Variants in PARD3B observed in about 807,000 individuals in gnomAD.
The protein encoded by PARD3B is par-3 family cell polarity regulator beta, also known as partitioning defective 3 homolog B.
PARD3B carries 103 observed loss-of-function variants against 130.2 expected under a neutral mutation model. The ratio of observed to expected loss-of-function variants is 0.79; its 90% CI spans 0.67 to 0.93. The LOEUF (loss-of-function observed/expected upper bound fraction) is 0.93. Ranked by LOEUF, PARD3B falls within the 40% of genes least tolerant of loss-of-function variation. The pLI, the probability that PARD3B is intolerant of heterozygous loss-of-function variation, is 0.00. For synonymous variants in PARD3B, 583 were observed against 553.2 expected, an observed-to-expected ratio of 1.05 and a Z score of -0.76; for missense variants, 1,609 against 1,499.2, an observed-to-expected ratio of 1.07 and a Z score of -1.21.
At chr2:205,580,647 T>A (rs1559237384) in intron 22 of PARD3B, among the ~76,000 whole-genome samples, 1 of 152,212 alleles carries the variant, frequency 6.6e-6, no homozygotes, top group East Asian at 1.9e-4. Flanking sequence ...TTACTCTATA[T>A]GACTGCAGGT....
chr2:205,071,723 ATG>A (rs1315531735), intron 4 of PARD3B, among the ~76,000 whole-genome samples: 1 of 152,278 alleles, frequency 6.6e-6, no homozygotes. Flanking sequence ...TGTATCACGT[ATG>A]TGTGTGTGTA....
intron 2 of PARD3B, among the ~76,000 whole-genome samples, chr2:204,711,087 A>T (rs2038409968): frequency 6.6e-6 from 1 of 152,224 alleles, no homozygotes; most frequent in East Asian, 1.9e-4. Flanking sequence ...GTTATAGCTT[A>T]ACCAGTTTAA....
At chr2:204,852,842 A>C (rs182884375) in intron 2 of PARD3B, among the ~76,000 whole-genome samples, 8 of 152,294 alleles carry the variant, frequency 5.3e-5, no homozygotes, top group Admixed American at 2.0e-4. Context: ...AGTTGTCACT[A>C]ATAAAATATA....
chr2:205,214,054 T>G (rs879497775), intron 15 of PARD3B, among the ~76,000 whole-genome samples: 1 of 152,116 alleles, frequency 6.6e-6, no homozygotes, highest in Non-Finnish European at 1.5e-5. Context: ...TTTTTTCCTT[T>G]TGTATTCCTC....
chr2:205,590,247 A>G lies in PARD3B; in HGVS notation c.3261-25209A>G, dbSNP rs1473423431. ...TTATCTTCAGGTTCAGCTACCCAAG[A>G]TCTCATAAAAGGCTGTCAGCACTTG... On this transcript the variant is annotated intron_variant, in intron 22 of 22. Coordinates refer to ENST00000406610, the MANE Select transcript of PARD3B (RefSeq NM_001302769.2). This position sits in a 1 kb window ranked among gnomAD's most constrained non-coding sequence, Gnocchi z 4.1. Among the ~76,000 whole-genome samples, 2 of 152,214 alleles carry G rather than the reference A, an allele frequency of 1.3e-5. No individual in the cohort carries two copies. Among genetic ancestry groups the G allele is most frequent in the African/African-American group, 4.8e-5 (2 of 41,452 alleles).
chr2:204,905,023 C>T (rs1349919630), intron 2 of PARD3B, among the ~76,000 whole-genome samples: 1 of 152,096 alleles, frequency 6.6e-6, no homozygotes, highest in African/African-American at 2.4e-5. Context: ...AGAGACTAGG[C>T]TTTGGAATAA....
intron 6 of PARD3B, among the ~76,000 whole-genome samples, chr2:205,114,991 T>C (rs888426578): frequency 1.3e-5 from 2 of 152,152 alleles, no homozygotes; most frequent in African/African-American, 4.8e-5. Context: ...GGCAGAAGTA[T>C]ACTGACAGAA....
chr2:204,831,547 G>A (rs563599908), intron 2 of PARD3B, among the ~76,000 whole-genome samples: 10 of 152,132 alleles, frequency 6.6e-5, no homozygotes, highest in Non-Finnish European at 1.0e-4. Context: ...AGATGGTAAT[G>A]TTCCTAAGAT....
chr2:204,872,250 AT>A (rs1413278368), intron 2 of PARD3B, among the ~76,000 whole-genome samples: 1 of 152,084 alleles, frequency 6.6e-6, no homozygotes, highest in African/African-American at 2.4e-5. Flanking sequence ...TACACATTTT[AT>A]AGATAGATAC....
intron 16 of PARD3B, among the ~76,000 whole-genome samples, chr2:205,295,621 C>T (rs1323149306): frequency 6.6e-6 from 1 of 152,156 alleles, no homozygotes; most frequent in Non-Finnish European, 1.5e-5. Context: ...GACAATTTCT[C>T]ATTTTTTAAT....
chr2:204,652,327 T>C (rs183693382), intron 1 of PARD3B, among the ~76,000 whole-genome samples: 25 of 152,326 alleles, frequency 1.6e-4, no homozygotes, highest in African/African-American at 5.5e-4. Flanking sequence ...GGTCACATTG[T>C]AAATGCTTTG....
At chr2:205,547,337 C>T (rs1346393410) in intron 21 of PARD3B, among the ~76,000 whole-genome samples, 1 of 152,120 alleles carries the variant, frequency 6.6e-6, no homozygotes, top group East Asian at 1.9e-4. Context: ...CACCAATCAC[C>T]ATCTCATTGC....
At chr2:204,600,972 A>G (rs1319218909) in intron 1 of PARD3B, among the ~76,000 whole-genome samples, 1 of 150,876 alleles carries the variant, frequency 6.6e-6, no homozygotes, top group Non-Finnish European at 1.5e-5. Flanking sequence ...GAACTTGGGG[A>G]TTTTGTTTGT....
intron 2 of PARD3B, among the ~76,000 whole-genome samples, chr2:204,795,237 C>T (rs2042329205): frequency 1.3e-5 from 2 of 152,184 alleles, no homozygotes; most frequent in South Asian, 2.1e-4. Flanking sequence ...GCCCTGTCCC[C>T]TTTCTCCCTC....
intron 19 of PARD3B, among the ~76,000 whole-genome samples, chr2:205,418,133 T>C (rs1352133634): frequency 6.6e-6 from 1 of 152,224 alleles, no homozygotes; most frequent in African/African-American, 2.4e-5. Context: ...TGAATTTTCA[T>C]ACTTTTGATC....
intron 18 of PARD3B, among the ~76,000 whole-genome samples, chr2:205,380,989 T>A (rs1351398169): frequency 9.8e-6 from 1 of 101,764 alleles, no homozygotes; most frequent in African/African-American, 3.8e-5. Flanking sequence ...ATATATAATA[T>A]CTAAAGAATA....
At chr2:204,991,224 C>T (rs1280075948) in intron 3 of PARD3B, among the ~76,000 whole-genome samples, 1 of 139,400 alleles carries the variant, frequency 7.2e-6, no homozygotes, top group East Asian at 2.4e-4. Flanking sequence ...TATCCCTCCC[C>T]CCTCCCCCCA....
intron 4 of PARD3B, among the ~76,000 whole-genome samples, chr2:205,072,839 A>G (rs1700825690): frequency 6.6e-6 from 1 of 152,188 alleles, no homozygotes; most frequent in Non-Finnish European, 1.5e-5. Context: ...TTTAAAAACC[A>G]ACATGCAATG....
chr2:204,574,771 C>T (rs1204941817), intron 1 of PARD3B, among the ~76,000 whole-genome samples: 1 of 152,170 alleles, frequency 6.6e-6, no homozygotes, highest in East Asian at 1.9e-4. Context: ...TGTATCATGT[C>T]TGTGTTTCTC....
Sources: allele counts gnomAD v4.1 joint callset (sites outside exome capture counted in the v4.1 genomes callset), GRCh38; gene constraint gnomAD v4.1.1; non-coding constraint Gnocchi (gnomAD v3.1); transcripts MANE v1.5; gene names NCBI Gene and HGNC (gene_info 2026-07-23, HGNC 2026-07-21).